The following CLTC variants were observed in gnomAD, a reference collection of about 807,000 sequenced individuals.
The protein encoded by CLTC is clathrin heavy chain 1.
Under a neutral mutation model 195.8 loss-of-function variants are expected in CLTC, and 16 were observed. The observed-to-expected ratio is 0.08, with a 90% confidence interval of 0.06 to 0.12. The LOEUF (loss-of-function observed/expected upper bound fraction) is 0.12, where lower values mean the gene tolerates loss of function less well. Among genes scored for constraint, CLTC ranks in the 10% least tolerant of loss-of-function variants. The pLI, the probability that CLTC is intolerant of heterozygous loss-of-function variation, is 1.00. For synonymous variants in CLTC, 667 were observed against 689.4 expected, an observed-to-expected ratio of 0.97 and a Z score of 0.51; for missense variants, 796 against 2,027.0, an observed-to-expected ratio of 0.39 and a Z score of 11.66.
Position 59,685,076 on chromosome 17 carries a change from T to C in CLTC, c.4455T>C (p.Asp1485=), listed in dbSNP as rs769876213. The stretch of plus-strand genomic sequence containing the variant: ...TTAAGGCTCTGCGAACATCAATAGA[T>C]GCTTATGACAACTTTGACAATATCT... ...EDYQALRTSI[D]AYDNFDNISL... is the part of the protein sequence containing the mutation. Residue 1485 remains aspartate (D), a synonymous_variant, in exon 29 of 32, where the codon GAT becomes GAC. Transcript: ENST00000269122. This position sits in a 1 kb window ranked among gnomAD's most constrained non-coding sequence, Gnocchi z 5.0. The C allele has an allele frequency of 1.3e-6, 2 of 1,592,586 alleles. No individual in the cohort carries two copies. Among genetic ancestry groups the C allele is most frequent in the East Asian group, 2.2e-5 (1 of 44,494 alleles).
Position 59,681,153 on chromosome 17 carries a change from T to C in CLTC, c.3065+96T>C. ...GAAGGAACAAAAAGATCAGAGAAAGTTGCCTGAATTCTCACTCTTCTAATA... is the reference window on the plus strand; with the variant it reads ...GAAGGAACAAAAAGATCAGAGAAAGCTGCCTGAATTCTCACTCTTCTAATA... On this transcript the variant is annotated intron_variant, in intron 19 of 31. Coordinates refer to ENST00000269122, the MANE Select transcript of CLTC (RefSeq NM_004859.4). This position sits in a 1 kb window ranked among gnomAD's most constrained non-coding sequence, Gnocchi z 5.0. 1 of 1,490,596 alleles carries C rather than the reference T, an allele frequency of 6.7e-7. No individual in the cohort carries two copies. Among genetic ancestry groups the C allele is most frequent in the Non-Finnish European group, 9.1e-7 (1 of 1,098,940 alleles). The allele number at this position is 1,490,596 out of a possible 1,614,324, so 92.3% of individuals were successfully genotyped here.
At chr17:59,632,035 G>T (rs1407988829) in intron 1 of CLTC, among the ~76,000 whole-genome samples, 1 of 151,608 alleles carries the variant, frequency 6.6e-6, no homozygotes, top group Non-Finnish European at 1.5e-5. Context: ...TGGTGTGTGT[G>T]TGTTTGTGTG....
intron 30 of CLTC, chr17:59,690,034 T>A (rs1347807165): frequency 6.6e-6 from 1 of 152,218 alleles, no homozygotes; most frequent in Non-Finnish European, 1.5e-5. Context: ...TGGGACAAAA[T>A]CAGGCTTTCC....
intron 1 of CLTC, among the ~76,000 whole-genome samples, chr17:59,628,886 T>C (rs2031627833): frequency 6.6e-6 from 1 of 152,098 alleles, no homozygotes; most frequent in Admixed American, 6.5e-5. Flanking sequence ...GGTCTCAAAC[T>C]CCTGACCTCA....
chr17:59,647,253 AC>A (rs2032219897), intron 2 of CLTC, 144 bp from the exon 3 acceptor site: 2 of 645,072 alleles, frequency 3.1e-6, no homozygotes, highest in Non-Finnish European at 5.3e-6. Context: ...CTTAGCTGTT[AC>A]CTCTTTAATG....
rs1166985992 is a variant in CLTC, at chr17:59,677,782, G to A, written c.2796+594G>A. On this transcript the variant is annotated intron_variant, in intron 17 of 31. Coordinates refer to ENST00000269122, the MANE Select transcript of CLTC (RefSeq NM_004859.4). ...TCTTCAGTCTTTTGTTTTCTATGAC[G>A]CTGATATCTTTGTAAACAATAGTTG... Among the ~76,000 whole-genome samples, 81 of 151,996 alleles carry A rather than the reference G, an allele frequency of 5.3e-4. 1 individual carries two copies. The highest frequency in any genetic ancestry group is 5.3e-3 in the Admixed American group (81 of 15,266).
Position 59,648,125 on chromosome 17 carries a change from A to G in CLTC, c.520-115A>G, listed in dbSNP as rs1449873408. 1 of 1,027,916 alleles carries G rather than the reference A, an allele frequency of 9.7e-7. No homozygotes were observed. Among genetic ancestry groups the G allele is most frequent in the Non-Finnish European group, 1.4e-6 (1 of 710,112 alleles). 63.7% of individuals were successfully genotyped at this position (1,027,916 alleles called of 1,614,324 possible). On this transcript the variant is annotated intron_variant, in intron 3 of 31. Coordinates refer to ENST00000269122, the MANE Select transcript of CLTC (RefSeq NM_004859.4). This position sits in a 1 kb window ranked among gnomAD's most constrained non-coding sequence, Gnocchi z 4.5. Reference sequence around the variant, plus strand: ...TCTACAGTGAGAGATGAAGTGACAAATAATTATAAATCCTGCTAAAGATGA... The same window carrying G: ...TCTACAGTGAGAGATGAAGTGACAAGTAATTATAAATCCTGCTAAAGATGA...
chr17:59,656,682 T>G (rs1220831097), intron 6 of CLTC, among the ~76,000 whole-genome samples: 1 of 147,080 alleles, frequency 6.8e-6, no homozygotes, highest in African/African-American at 2.5e-5. Flanking sequence ...TTTTTTTTTT[T>G]TTTTTTCTTG....
chr17:59,640,588 C>T (rs1443487385), intron 1 of CLTC, among the ~76,000 whole-genome samples: 1 of 151,562 alleles, frequency 6.6e-6, no homozygotes, highest in Non-Finnish European at 1.5e-5. Context: ...TTAGTAGAAA[C>T]GGGGTTTCAC....
Position 59,683,266 on chromosome 17 carries a change from A to G in CLTC, c.4041+4A>G. On this transcript the variant is annotated splice_donor_region_variant and intron_variant, in intron 25 of 31. Transcript: ENST00000269122. The surrounding 1 kb of genome is among the most constrained non-coding windows in gnomAD (Gnocchi z 6.1). ...GTCTAGAGTGAATATTCCCAAGGTA[A>G]CCAGTCATTGTAACACAGTGAAGCA... 1 of 1,613,458 alleles carries G rather than the reference A, an allele frequency of 6.2e-7. No individual in the cohort carries two copies. The highest frequency in any genetic ancestry group is 8.5e-7 in the Non-Finnish European group (1 of 1,179,634).
At chr17:59,672,901 A>C (rs2032884753) in intron 14 of CLTC, among the ~76,000 whole-genome samples, 1 of 152,146 alleles carries the variant, frequency 6.6e-6, no homozygotes, top group Non-Finnish European at 1.5e-5. Context: ...TTCCTGATGG[A>C]AACTGTTGTT....
intron 18 of CLTC, among the ~76,000 whole-genome samples, chr17:59,680,684 A>G (rs2033064235): frequency 6.6e-6 from 1 of 152,218 alleles, no homozygotes; most frequent in South Asian, 2.1e-4. Context: ...TAGCCTGGAT[A>G]ATGTTTTAAT....
intron 1 of CLTC, among the ~76,000 whole-genome samples, chr17:59,622,079 C>T (rs2031397913): frequency 6.6e-6 from 1 of 152,160 alleles, no homozygotes; most frequent in Non-Finnish European, 1.5e-5. Flanking sequence ...TCGAACCCAA[C>T]CTTGTCACTT....
intron 1 of CLTC, among the ~76,000 whole-genome samples, chr17:59,625,612 A>C (rs1375128563): frequency 6.6e-6 from 1 of 152,160 alleles, no homozygotes; most frequent in East Asian, 1.9e-4. Context: ...CCAGGAATTC[A>C]AGACCAGCCT....
In CLTC at chr17:59,680,781, A is replaced by G. The variant is rs1193202636; in HGVS notation, c.2920-131A>G. ...TAGATTTGTGTAGAAAGACCTCTCT[A>G]TGTAAATTTAAAGGTCTTTTTCCTA... On this transcript the variant is annotated intron_variant, in intron 18 of 31. Coordinates refer to ENST00000269122, the MANE Select transcript of CLTC (RefSeq NM_004859.4). The G allele has an allele frequency of 1.9e-5, 12 of 617,626 alleles. No homozygotes were observed. The South Asian group carries it at 2.8e-4, about 15-fold the overall frequency. 38.3% of individuals were successfully genotyped at this position (617,626 alleles called of 1,614,324 possible).
In CLTC at chr17:59,682,432, G is replaced by A; in HGVS notation, c.3600+4G>A. The A allele has an allele frequency of 6.2e-7, 1 of 1,613,636 alleles. No homozygotes were observed. Among genetic ancestry groups the A allele is most frequent in the Non-Finnish European group, 8.5e-7 (1 of 1,179,824 alleles). ...AAATAATGCTCATATCCAACAAGTG[G>A]GTTTCCTTTTCAGATTTAAGAAAAA... On this transcript the variant is annotated splice_donor_region_variant and intron_variant, in intron 22 of 31. Transcript: ENST00000269122. This position sits in a 1 kb window ranked among gnomAD's most constrained non-coding sequence, Gnocchi z 6.8.
intron 1 of CLTC, among the ~76,000 whole-genome samples, chr17:59,640,642 C>A (rs998037564): frequency 1.3e-5 from 2 of 151,586 alleles, no homozygotes; most frequent in Admixed American, 1.3e-4. Context: ...TCGTGATCCA[C>A]GCCCCCTTGG....
At chr17:59,622,960 T>C (rs1442540817) in intron 1 of CLTC, among the ~76,000 whole-genome samples, 2 of 152,232 alleles carry the variant, frequency 1.3e-5, no homozygotes, top group Non-Finnish European at 2.9e-5. Flanking sequence ...TTTAGACTGA[T>C]AGCAGTTAAT....
intron 1 of CLTC, among the ~76,000 whole-genome samples, chr17:59,638,655 C>G (rs1456088714): frequency 6.6e-6 from 1 of 152,104 alleles, no homozygotes; most frequent in Non-Finnish European, 1.5e-5. Context: ...ACCTAGATCC[C>G]TCGCTTGCAC....
Sources: allele counts gnomAD v4.1 joint callset (sites outside exome capture counted in the v4.1 genomes callset), GRCh38; gene constraint gnomAD v4.1.1; non-coding constraint Gnocchi (gnomAD v3.1); transcripts MANE v1.5; gene names NCBI Gene and HGNC (gene_info 2026-07-23, HGNC 2026-07-21).